The following ATAD2B variants were observed in gnomAD, a reference collection of about 807,000 sequenced individuals.
The protein encoded by ATAD2B is ATPase family AAA domain containing 2B.
A neutral mutation model predicts 167.6 loss-of-function variants in ATAD2B; 40 were observed. The ratio of observed to expected loss-of-function variants is 0.24; its 90% CI spans 0.19 to 0.31. The LOEUF is 0.31. Ranked by LOEUF, ATAD2B falls within the 10% of genes least tolerant of loss-of-function variation. ATAD2B has a pLI of 1.00. For missense variants in ATAD2B, 1,242 were observed against 1,757.2 expected, an observed-to-expected ratio of 0.71 and a Z score of 5.24; for synonymous variants, 579 against 596.5, an observed-to-expected ratio of 0.97 and a Z score of 0.43.
chr2:23,889,648 G>T (rs1383411964), intron 2 of ATAD2B, among the ~76,000 whole-genome samples: 1 of 151,966 alleles, frequency 6.6e-6, no homozygotes, highest in Non-Finnish European at 1.5e-5. Context: ...AGCCAGGCGC[G>T]ATGGCTCACG....
At chr2:23,698,611 A>ATAAT in the ATAD2B span, among the ~76,000 whole-genome samples, 5 of 152,232 alleles carry the variant, frequency 3.3e-5, no homozygotes, top group Non-Finnish European at 5.9e-5. Flanking sequence ...GCAAGATTAT[A>ATAAT]TAATTATAGA....
chr2:23,839,175 G>A (rs1021855707), intron 13 of ATAD2B, among the ~76,000 whole-genome samples: 1 of 152,026 alleles, frequency 6.6e-6, no homozygotes, highest in Non-Finnish European at 1.5e-5. Flanking sequence ...ATACATAATT[G>A]CATCATCTAC....
chr2:23,691,963 G>C, the ATAD2B span: 4 of 1,333,618 alleles, frequency 3.0e-6, no homozygotes, highest in East Asian at 7.5e-5. Flanking sequence ...GAGCGGGGAG[G>C]TCTGTGTGTG....
intron 17 of ATAD2B, among the ~76,000 whole-genome samples, chr2:23,812,871 C>T (rs1361863552): frequency 6.8e-6 from 1 of 147,596 alleles, no homozygotes; most frequent in Non-Finnish European, 1.5e-5. Context: ...AAAAATGCTA[C>T]CAATTTTAAT....
At chr2:23,716,568 G>A in the ATAD2B span, among the ~76,000 whole-genome samples, 2 of 152,134 alleles carry the variant, frequency 1.3e-5, no homozygotes, top group African/African-American at 2.4e-5. Context: ...TTTCATTAGA[G>A]ACATTCAGTT....
the ATAD2B span, among the ~76,000 whole-genome samples, chr2:23,731,792 A>G: frequency 6.6e-6 from 1 of 152,152 alleles, no homozygotes; most frequent in East Asian, 1.9e-4. Context: ...CTTGGGCAAT[A>G]CAGTAAGACC....
intron 8 of ATAD2B, among the ~76,000 whole-genome samples, chr2:23,870,425 T>C (rs1695779220): frequency 6.6e-6 from 1 of 151,250 alleles, no homozygotes; most frequent in South Asian, 2.1e-4. Flanking sequence ...TAACTGAGAC[T>C]GGAGGCACCC....
At chr2:23,827,447 A>G (rs1688425006) in intron 15 of ATAD2B, among the ~76,000 whole-genome samples, 1 of 152,258 alleles carries the variant, frequency 6.6e-6, no homozygotes, top group African/African-American at 2.4e-5. Flanking sequence ...ACAGTATAAT[A>G]GAAAGTAATT....
At chr2:23,841,629 T>A (rs1371972163) in intron 13 of ATAD2B, among the ~76,000 whole-genome samples, 2 of 151,850 alleles carry the variant, frequency 1.3e-5, no homozygotes, top group African/African-American at 2.4e-5. Context: ...AATCCTCCCA[T>A]CTCAGCCTCC....
chr2:23,850,681 A>G (rs1051840571), intron 13 of ATAD2B, among the ~76,000 whole-genome samples: 2 of 152,106 alleles, frequency 1.3e-5, no homozygotes, highest in African/African-American at 4.8e-5. Context: ...AGAAGGGGGG[A>G]TGAATGAATA....
At chr2:23,698,852 CA>C in the ATAD2B span, among the ~76,000 whole-genome samples, 5 of 152,168 alleles carry the variant, frequency 3.3e-5, no homozygotes, top group Non-Finnish European at 5.9e-5. Context: ...CCTGGAATAA[CA>C]AGCTCTCAGG....
chr2:23,683,866 G>A, the ATAD2B span, among the ~76,000 whole-genome samples: 19 of 152,296 alleles, frequency 1.2e-4, no homozygotes, highest in African/African-American at 3.4e-4. Context: ...CTCCTTTCTC[G>A]GGGTCTCCTC....
At chr2:23,878,010 CAAAGAAAAAAAAA>C (rs1189240201) in intron 7 of ATAD2B, among the ~76,000 whole-genome samples, 16 of 28,606 alleles carry the variant, frequency 5.6e-4, no homozygotes, top group East Asian at 2.6e-3. Flanking sequence ...ACCCTATCTC[CAAAGAAAAAAAAA>C]AAAAAAAAAA....
the ATAD2B span, among the ~76,000 whole-genome samples, chr2:23,723,170 A>G: frequency 1.3e-5 from 2 of 152,046 alleles, no homozygotes; most frequent in Admixed American, 6.6e-5. Flanking sequence ...GCATGTGCCT[A>G]TAGTCCCAGC....
intron 14 of ATAD2B, among the ~76,000 whole-genome samples, chr2:23,831,583 G>A (rs934884577): frequency 6.6e-6 from 1 of 152,062 alleles, no homozygotes; most frequent in Non-Finnish European, 1.5e-5. Flanking sequence ...GCTGATGACC[G>A]TGCCTCCCAA....
chr2:23,685,526 T>C, the ATAD2B span: 1 of 152,274 alleles, frequency 6.6e-6, no homozygotes, highest in African/African-American at 2.4e-5. Flanking sequence ...CCGGAGTGAC[T>C]GTGTTTTGTT....
chr2:23,861,163 T>A (rs76218274), intron 12 of ATAD2B, among the ~76,000 whole-genome samples: 1 of 150,702 alleles, frequency 6.6e-6, no homozygotes, highest in Non-Finnish European at 1.5e-5. Flanking sequence ...TTTTTTTTTT[T>A]TATAACTACA....
At chr2:23,899,918 C>CTTTTT (rs34685891) in intron 1 of ATAD2B, among the ~76,000 whole-genome samples, 5 of 83,604 alleles carry the variant, frequency 6.0e-5, no homozygotes, top group African/African-American at 4.5e-5. Flanking sequence ...AGTTTTCTTA[C>CTTTTT]TTTTTTTTTT....
chr2:23,812,308 C>CAAA (rs61415389), intron 17 of ATAD2B, among the ~76,000 whole-genome samples: 5 of 140,836 alleles, frequency 3.6e-5, no homozygotes, highest in African/African-American at 7.9e-5. Context: ...CTATTCACTG[C>CAAA]AAAAAAAAAA....
Sources: gnomAD v4.1 joint callset for allele counts (sites outside exome capture counted in the v4.1 genomes callset) on GRCh38, gnomAD v4.1.1 for gene constraint, MANE v1.5 for transcripts, NCBI Gene and HGNC (gene_info 2026-07-23, HGNC 2026-07-21) for gene names.